Variants in TRPM3 observed in about 807,000 individuals in gnomAD.
The protein encoded by TRPM3 is long transient receptor potential channel 3.
In TRPM3, 77 loss-of-function variants were observed where a neutral mutation model predicts 181.2. The ratio of observed to expected loss-of-function variants is 0.42; its 90% CI spans 0.35 to 0.51. The LOEUF (loss-of-function observed/expected upper bound fraction) is 0.51. Ranked by LOEUF, TRPM3 falls within the 20% of genes least tolerant of loss-of-function variation. The pLI, the probability that TRPM3 is intolerant of heterozygous loss-of-function variation, is 0.01. For missense variants in TRPM3, 1,759 were observed against 2,196.7 expected, an observed-to-expected ratio of 0.80 and a Z score of 3.98; for synonymous variants, 745 against 796.4, an observed-to-expected ratio of 0.94 and a Z score of 1.09.
chr9:71,243,851 A>G (rs1290663550), intron 1 of TRPM3, among the ~76,000 whole-genome samples: 1 of 152,222 alleles, frequency 6.6e-6, no homozygotes, highest in Admixed American at 6.5e-5. Context: ...GCTGTTATAT[A>G]AAATACGTAC....
intron 22 of TRPM3, among the ~76,000 whole-genome samples, chr9:70,582,305 T>C (rs1461535786): frequency 1.3e-5 from 2 of 152,216 alleles, no homozygotes; most frequent in Admixed American, 6.5e-5. Context: ...CTGACATTTC[T>C]GACACTTCAG....
At chr9:70,568,831 T>C (rs913050969) in intron 22 of TRPM3, among the ~76,000 whole-genome samples, 1 of 152,238 alleles carries the variant, frequency 6.6e-6, no homozygotes, top group African/African-American at 2.4e-5. Flanking sequence ...TCCATCCTTT[T>C]GTCTGGGTCA....
At chr9:70,571,665 G>A (rs1472455991) in intron 22 of TRPM3, among the ~76,000 whole-genome samples, 1 of 152,058 alleles carries the variant, frequency 6.6e-6, no homozygotes, top group African/African-American at 2.4e-5. Flanking sequence ...AAACATAGGG[G>A]CAACAATCCT....
intron 1 of TRPM3, among the ~76,000 whole-genome samples, chr9:71,378,116 T>TA (rs927058331): frequency 5.3e-5 from 8 of 152,086 alleles, no homozygotes; most frequent in African/African-American, 1.9e-4. Flanking sequence ...ATCAAAAGTT[T>TA]AAAAAAAGAC....
chr9:70,947,270 T>C (rs1339252816), intron 1 of TRPM3, among the ~76,000 whole-genome samples: 1 of 152,210 alleles, frequency 6.6e-6, no homozygotes, highest in Non-Finnish European at 1.5e-5. Flanking sequence ...TTTTCCCTGA[T>C]GACTAATGAA....
intron 18 of TRPM3, among the ~76,000 whole-genome samples, chr9:70,614,047 ACTAGAGAGAC>A (rs1367573732): frequency 6.6e-6 from 1 of 152,156 alleles, no homozygotes; most frequent in Admixed American, 6.5e-5. Flanking sequence ...CACACTTGAG[ACTAGAGAGAC>A]ATTCTCTCTC....
At chr9:70,623,605 C>T (rs1407460426) in intron 14 of TRPM3, among the ~76,000 whole-genome samples, 4 of 152,132 alleles carry the variant, frequency 2.6e-5, no homozygotes, top group African/African-American at 9.7e-5. Flanking sequence ...GCAGTGGTAC[C>T]CACCTTTACC....
At chr9:71,427,202 G>T (rs2093879879) in intron 1 of TRPM3, among the ~76,000 whole-genome samples, 1 of 152,086 alleles carries the variant, frequency 6.6e-6, no homozygotes, top group Non-Finnish European at 1.5e-5. Flanking sequence ...ACTCAAAGTG[G>T]TGATACACAT....
intron 1 of TRPM3, among the ~76,000 whole-genome samples, chr9:70,992,195 T>C (rs1050435286): frequency 6.6e-6 from 1 of 152,242 alleles, no homozygotes; most frequent in Admixed American, 6.5e-5. Flanking sequence ...GGTCCTTTTG[T>C]GCATATGGGC....
At chr9:70,864,247 G>A (rs1564630698) in intron 2 of TRPM3, among the ~76,000 whole-genome samples, 185 bp downstream of exon 2, 1 of 151,900 alleles carries the variant, frequency 6.6e-6, no homozygotes, top group Admixed American at 6.6e-5. Flanking sequence ...CTTAGAGTAA[G>A]AATTAATTGT....
intron 1 of TRPM3, among the ~76,000 whole-genome samples, chr9:71,290,150 C>G (rs1019263498): frequency 2.6e-5 from 4 of 151,762 alleles, no homozygotes; most frequent in African/African-American, 9.7e-5. Flanking sequence ...TCAAAGTTCA[C>G]AAAAGAGAAG....
chr9:70,594,548 TG>T (rs2132587928), intron 21 of TRPM3, among the ~76,000 whole-genome samples: 1 of 152,270 alleles, frequency 6.6e-6, no homozygotes, highest in East Asian at 1.9e-4. Flanking sequence ...AGAATTCCAT[TG>T]AGAAGTGGAA....
chr9:71,303,846 A>C (rs1268597267), intron 1 of TRPM3, among the ~76,000 whole-genome samples: 1 of 152,168 alleles, frequency 6.6e-6, no homozygotes, highest in Admixed American at 6.5e-5. Flanking sequence ...ACTATGCTTT[A>C]TGTTTATTGT....
intron 1 of TRPM3, among the ~76,000 whole-genome samples, chr9:70,866,889 A>G (rs2095661257): frequency 6.6e-6 from 1 of 152,032 alleles, no homozygotes; most frequent in Non-Finnish European, 1.5e-5. Context: ...AGATGCAGCA[A>G]TACATTCTAA....
chr9:70,583,739 CAA>C (rs2056520918), intron 22 of TRPM3, among the ~76,000 whole-genome samples: 1 of 152,180 alleles, frequency 6.6e-6, no homozygotes. Context: ...CTCTATTACA[CAA>C]AGTCTCCAGT....
At chr9:71,420,760 A>G (rs2093729464) in intron 1 of TRPM3, among the ~76,000 whole-genome samples, 1 of 112,626 alleles carries the variant, frequency 8.9e-6, no homozygotes, top group Non-Finnish European at 1.8e-5. Context: ...AGAGAGAAAG[A>G]GAGAGAAAGA....
chr9:71,121,123 G>A lies in TRPM3; in HGVS notation c.177+55C>T. ...GTCCCAGCCCAAGTCCCCAAGTTGG[G>A]TATTTAAATCTAAAAAGCACAATTA... On this transcript the variant is annotated intron_variant, in intron 1 of 25. Transcript: ENST00000677713. 4 of 1,559,344 alleles carry A rather than the reference G, an allele frequency of 2.6e-6. No individual in the cohort carries two copies. The South Asian group carries it at 3.5e-5, about 14-fold the overall frequency.
At chr9:71,127,960 A>C (rs1213469485) in intron 1 of TRPM3, among the ~76,000 whole-genome samples, 1 of 152,228 alleles carries the variant, frequency 6.6e-6, no homozygotes, top group East Asian at 1.9e-4. Flanking sequence ...ACACATGCTA[A>C]GAGCTAGAAA....
chr9:71,081,343 A>T (rs1345755401), intron 1 of TRPM3, among the ~76,000 whole-genome samples: 1 of 152,188 alleles, frequency 6.6e-6, no homozygotes, highest in Non-Finnish European at 1.5e-5. Context: ...TATCTCTCAC[A>T]AATTGTGTGA....
Sources: gnomAD v4.1 joint callset for allele counts (sites outside exome capture counted in the v4.1 genomes callset) on GRCh38, gnomAD v4.1.1 for gene constraint, MANE v1.5 for transcripts, NCBI Gene and HGNC (gene_info 2026-07-23, HGNC 2026-07-21) for gene names.